ZC3HC1: variants seen among roughly 807,000 people sequenced by gnomAD.
ZC3HC1 encodes the protein zinc finger C3HC-type containing 1.
In ZC3HC1, 38 loss-of-function variants were observed where a neutral mutation model predicts 61.9. That is an observed-to-expected ratio of 0.61 (90% CI 0.47 to 0.81). The LOEUF (loss-of-function observed/expected upper bound fraction) is 0.81. ZC3HC1 is among the 30% of genes least tolerant of loss of function. The pLI, the probability that ZC3HC1 is intolerant of heterozygous loss-of-function variation, is 0.00. For synonymous variants in ZC3HC1, 213 were observed against 229.9 expected (o/e 0.93, Z 0.67); for missense variants, 554 against 622.7 (o/e 0.89, Z 1.17).
chr7:130,041,241 G>A (rs375682244), intron 2 of ZC3HC1, 140 bp from the exon 3 acceptor site: 3 of 924,594 alleles, frequency 3.2e-6, no homozygotes, highest in East Asian at 2.9e-5. Flanking sequence ...AGGCTGGAGT[G>A]CAGTGGCACG....
intron 4 of ZC3HC1, among the ~76,000 whole-genome samples, chr7:130,030,672 A>G (rs1191651893): frequency 1.3e-5 from 2 of 149,118 alleles, no homozygotes; most frequent in African/African-American, 4.9e-5. Context: ...GTCACTCATA[A>G]TCTTTTTTTT....
chr7:130,019,661 G>A (rs1793543053), intron 9 of ZC3HC1, among the ~76,000 whole-genome samples: 1 of 152,082 alleles, frequency 6.6e-6, no homozygotes, highest in African/African-American at 2.4e-5. Flanking sequence ...AAAGCTCTTG[G>A]TGAATCAGAA....
intron 6 of ZC3HC1, among the ~76,000 whole-genome samples, chr7:130,025,858 G>A (rs948516431): frequency 5.6e-5 from 5 of 89,704 alleles, no homozygotes; most frequent in Non-Finnish European, 9.7e-5. Context: ...GCAACAGAAT[G>A]AGACTCCGTC....
intron 4 of ZC3HC1, among the ~76,000 whole-genome samples, chr7:130,029,365 ACT>A (rs1385326893): frequency 2.0e-5 from 3 of 151,992 alleles, no homozygotes; most frequent in Non-Finnish European, 2.9e-5. Flanking sequence ...ACAGAGAGAG[ACT>A]CTGTCTCAAA....
chr7:130,034,701 G>A (rs768267391), intron 4 of ZC3HC1, among the ~76,000 whole-genome samples: 1 of 152,000 alleles, frequency 6.6e-6, no homozygotes, highest in Non-Finnish European at 1.5e-5. Context: ...AGGGTGCCCA[G>A]CCTGGTCCCA....
At chr7:130,029,830 T>C (rs1418984723) in intron 4 of ZC3HC1, among the ~76,000 whole-genome samples, 1 of 152,180 alleles carries the variant, frequency 6.6e-6, no homozygotes, top group Non-Finnish European at 1.5e-5. Context: ...ACTACCAAGT[T>C]ATAACTTACT....
intron 6 of ZC3HC1, among the ~76,000 whole-genome samples, chr7:130,024,761 C>T (rs1037992848): frequency 2.6e-5 from 4 of 151,836 alleles, no homozygotes; most frequent in Non-Finnish European, 4.4e-5. Flanking sequence ...AAAAGTTTCT[C>T]GGCCGGGTGC....
intron 5 of ZC3HC1, among the ~76,000 whole-genome samples, chr7:130,028,142 C>G (rs563476866): frequency 1.8e-5 from 2 of 110,424 alleles, no homozygotes; most frequent in Admixed American, 1.3e-4. Flanking sequence ...TACAGCCTGG[C>G]GACAGAACAA....
chr7:130,019,372 G>A (rs1282408587), intron 9 of ZC3HC1, among the ~76,000 whole-genome samples: 1 of 152,066 alleles, frequency 6.6e-6, no homozygotes, highest in East Asian at 1.9e-4. Context: ...CATTCATGAT[G>A]CTGAATTGGC....
At chr7:130,019,086 C>T (rs955015759) in intron 9 of ZC3HC1, among the ~76,000 whole-genome samples, 1 of 145,562 alleles carries the variant, frequency 6.9e-6, no homozygotes, top group African/African-American at 2.5e-5. Flanking sequence ...CGGAGTCTCA[C>T]TCTGTCACCC....
At chr7:130,041,189 G>A in intron 2 of ZC3HC1, 88 bp from the exon 3 acceptor site, 4 of 1,090,394 alleles carry the variant, frequency 3.7e-6, no homozygotes, top group African/African-American at 1.7e-5. Flanking sequence ...TACACATACT[G>A]TTTTTTTTTT....
At chr7:130,036,154 T>C (rs1484420266) in intron 4 of ZC3HC1, among the ~76,000 whole-genome samples, 1 of 151,514 alleles carries the variant, frequency 6.6e-6, no homozygotes, top group Non-Finnish European at 1.5e-5. Context: ...TTTTCTTTGG[T>C]GCACTTGTTG....
Position 130,018,466 on chromosome 7 carries a change from A to G in ZC3HC1, c.*198T>C. The G allele has an allele frequency of 1.8e-6, 1 of 546,490 alleles. No individual in the cohort carries two copies. The highest frequency in any genetic ancestry group is 3.3e-6 in the Non-Finnish European group (1 of 303,860). 33.9% of individuals were successfully genotyped at this position (546,490 alleles called of 1,614,324 possible). A position where few individuals can be genotyped will look rare whatever the true frequency, so the allele number is the denominator to read the frequency against. ...CATGCTTGCTGCCCTTACCCTGTCC[A>G]CATCCCTGAAAGGAAACGGGTCTCT... On this transcript the variant is annotated 3_prime_UTR_variant, in exon 10 of 10. Coordinates refer to ENST00000358303, the MANE Select transcript of ZC3HC1 (RefSeq NM_016478.5).
At chr7:130,040,011 C>A (rs58428125) in intron 3 of ZC3HC1, among the ~76,000 whole-genome samples, 104,950 of 150,736 alleles carry the variant, frequency 0.7, 37,103 homozygotes, top group East Asian at 0.99. Context: ...TGAGCCACTG[C>A]GCCCGGCCCC....
At chr7:130,034,357 C>T (rs1391060002) in intron 4 of ZC3HC1, among the ~76,000 whole-genome samples, 1 of 151,392 alleles carries the variant, frequency 6.6e-6, no homozygotes, top group Non-Finnish European at 1.5e-5. Context: ...TGGTGGCGGG[C>T]GCCTGTAGTC....
At chr7:130,038,196 G>C (rs1794498458) in intron 4 of ZC3HC1, among the ~76,000 whole-genome samples, 1 of 152,218 alleles carries the variant, frequency 6.6e-6, no homozygotes, top group Non-Finnish European at 1.5e-5. Context: ...TCAAGGGAGA[G>C]TATGTCCTCT....
chr7:130,020,568 T>G (rs1292291987), intron 9 of ZC3HC1, among the ~76,000 whole-genome samples: 1 of 152,086 alleles, frequency 6.6e-6, no homozygotes, highest in African/African-American at 2.4e-5. Flanking sequence ...GGCCTCGGTA[T>G]ATACTTTTTT....
chr7:130,035,732 T>C (rs1348416812), intron 4 of ZC3HC1, among the ~76,000 whole-genome samples: 1 of 152,186 alleles, frequency 6.6e-6, no homozygotes, highest in Non-Finnish European at 1.5e-5. Flanking sequence ...TCCTCCCGCC[T>C]TGGCCTTCCA....
At chr7:130,027,225 C>A (rs1323585037) in intron 5 of ZC3HC1, 2 of 151,860 alleles carry the variant, frequency 1.3e-5, no homozygotes, top group Non-Finnish European at 2.9e-5. Context: ...AAAAAAATTG[C>A]CTTGGCTAGG....
Sources: gnomAD v4.1 joint callset for allele counts (sites outside exome capture counted in the v4.1 genomes callset) on GRCh38, gnomAD v4.1.1 for gene constraint, MANE v1.5 for transcripts, NCBI Gene and HGNC (gene_info 2026-07-23, HGNC 2026-07-21) for gene names.